The following TACR3 variants were observed in gnomAD, a reference collection of about 807,000 sequenced individuals.
The protein encoded by TACR3 is neuromedin-K receptor.
Under a neutral mutation model 35.0 loss-of-function variants are expected in TACR3, and 34 were observed. The ratio of observed to expected loss-of-function variants is 0.97; its 90% CI spans 0.74 to 1.30. The LOEUF is 1.30. Ranked by LOEUF, TACR3 falls within the 50% of genes most tolerant of loss-of-function variation. The pLI, the probability that TACR3 is intolerant of heterozygous loss-of-function variation, is 0.00. For missense variants in TACR3, 558 were observed against 591.7 expected (o/e 0.94, Z 0.59); for synonymous variants, 233 against 221.1 (o/e 1.05, Z -0.48).
intron 1 of TACR3, among the ~76,000 whole-genome samples, chr4:103,667,927 C>G (rs1018467358): frequency 2.6e-5 from 4 of 152,114 alleles, no homozygotes; most frequent in African/African-American, 9.7e-5. Context: ...CTCCTGGGCT[C>G]AAGTGATCCT....
At chr4:103,616,614 C>A (rs1293470301) in intron 3 of TACR3, among the ~76,000 whole-genome samples, 1 of 152,024 alleles carries the variant, frequency 6.6e-6, no homozygotes, top group Non-Finnish European at 1.5e-5. Context: ...ATCCTAAAAC[C>A]AAGGGCAAAA....
chr4:103,688,081 A>G (rs1321473730), intron 1 of TACR3, among the ~76,000 whole-genome samples: 2 of 152,208 alleles, frequency 1.3e-5, no homozygotes, highest in Non-Finnish European at 2.9e-5. Context: ...CAGAGCCCTC[A>G]GAAATAATGC....
At chr4:103,685,861 G>C (rs953013783) in intron 1 of TACR3, among the ~76,000 whole-genome samples, 6 of 152,114 alleles carry the variant, frequency 3.9e-5, no homozygotes, top group Non-Finnish European at 8.8e-5. Flanking sequence ...CCTTCCCCAG[G>C]TCCACAGTGT....
In TACR3 at chr4:103,719,431, G is replaced by A. The variant is rs1485933119; in HGVS notation, c.245C>T (p.Ser82Phe). ...CAGGGACCAGAGCGCGATGCGCCAGGACGGCTGCACGAACTGGTTGGTGAG... is the reference window on the plus strand; with the variant it reads ...CAGGGACCAGAGCGCGATGCGCCAGAACGGCTGCACGAACTGGTTGGTGAG... ...ANLTNQFVQP[S>F]WRIALWSLAY... The change falls in exon 1 of 5, where the codon TCC becomes TTC. Residue 82 changes from serine (S) to phenylalanine (F), a missense_variant. Ser to Phe is a radical substitution (Grantham distance 155, BLOSUM62 -2). Coordinates refer to ENST00000304883, the MANE Select transcript of TACR3 (RefSeq NM_001059.3). 7 of 1,614,140 alleles carry A rather than the reference G, an allele frequency of 4.3e-6. No individual in the cohort carries two copies. In the African/African-American group the frequency reaches 5.3e-5, roughly 12 times the overall value.
chr4:103,719,202 G>A lies in TACR3; in HGVS notation c.474C>T (p.Cys158=), dbSNP rs369018171. The change falls in exon 1 of 5, where the codon TGC becomes TGT. Residue 158 remains cysteine (C), a synonymous_variant. Coordinates refer to ENST00000304883, the MANE Select transcript of TACR3 (RefSeq NM_001059.3). ...HSEWYFGANY[C]RFQNFFPITA... is the part of the protein sequence containing the mutation. ...TGATAGGAAAGAAGTTCTGGAAGCG[G>A]CAGTAGTTGGCGCCAAAGTACCACT... 8 of 1,614,072 alleles carry A rather than the reference G, an allele frequency of 5.0e-6. No individual in the cohort carries two copies. The African/African-American group carries it at 1.1e-4, about 22-fold the overall frequency.
chr4:103,605,580 G>T (rs1724335390), intron 3 of TACR3, among the ~76,000 whole-genome samples: 1 of 151,770 alleles, frequency 6.6e-6, no homozygotes, highest in Admixed American at 6.6e-5. Flanking sequence ...GATGGCCAGT[G>T]ATGATGAACA....
rs1163708629 is a variant in TACR3 at position 103,591,686 on chromosome 4, A to G, written c.889-3T>C. ...ACAATAATCATCATTTTGACAACCT[A>G]TAAAGAAAAAAAGTCATTTTTGACA... On this transcript the variant is annotated splice_region_variant and splice_polypyrimidine_tract_variant and intron_variant, in intron 3 of 4. Coordinates refer to ENST00000304883, the MANE Select transcript of TACR3 (RefSeq NM_001059.3). 2.5e-6 allele frequency: 4 copies of G among 1,609,166 alleles called. No individual in the cohort carries two copies. Among genetic ancestry groups the G allele is most frequent in the Non-Finnish European group, 3.4e-6 (4 of 1,177,820 alleles).
intron 1 of TACR3, among the ~76,000 whole-genome samples, chr4:103,676,559 G>A (rs936400362): frequency 6.6e-6 from 1 of 152,004 alleles, no homozygotes; most frequent in Non-Finnish European, 1.5e-5. Context: ...CCAGAAATAA[G>A]ACTACACATC....
intron 3 of TACR3, among the ~76,000 whole-genome samples, chr4:103,638,637 A>T (rs1472291276): frequency 6.6e-6 from 1 of 152,170 alleles, no homozygotes; most frequent in South Asian, 2.1e-4. Context: ...AGAAACTACC[A>T]TCAGAGTGAA....
chr4:103,612,400 C>T (rs1372574894), intron 3 of TACR3, among the ~76,000 whole-genome samples: 1 of 152,160 alleles, frequency 6.6e-6, no homozygotes, highest in Admixed American at 6.5e-5. Flanking sequence ...TGCAATTATT[C>T]TCTTTCATGG....
At chr4:103,696,445 G>A (rs561373073) in intron 1 of TACR3, among the ~76,000 whole-genome samples, 238 of 152,036 alleles carry the variant, frequency 1.6e-3, no homozygotes, top group Non-Finnish European at 2.4e-3. Flanking sequence ...TAAAAAAAAA[G>A]TATCACAAAT....
rs374818813 is a variant in TACR3, at chr4:103,656,621, G to T, written c.738-277C>A. 9.2e-5 allele frequency among the ~76,000 whole-genome samples: 14 copies of T among 152,152 alleles called. No individual in the cohort carries two copies. The East Asian group carries it at 2.7e-3, about 29-fold the overall frequency. On this transcript the variant is annotated intron_variant, in intron 2 of 4. Coordinates refer to ENST00000304883, the MANE Select transcript of TACR3 (RefSeq NM_001059.3). ...AAACATAAGTTCTCCTTGCCTAGAGGTTGAGGAGGAACGACTTTCCACTGC... is the reference window on the plus strand; with the variant it reads ...AAACATAAGTTCTCCTTGCCTAGAGTTTGAGGAGGAACGACTTTCCACTGC...
In TACR3 at chr4:103,589,981, A is replaced by C. The variant is rs1413923972; in HGVS notation, c.1099T>G (p.Phe367Val). 6.2e-7 allele frequency: 1 copy of C among 1,613,714 alleles called. No homozygotes were observed. Among genetic ancestry groups the C allele is most frequent in the South Asian group, 1.1e-5 (1 of 91,086 alleles). ...GGACACCAGCGAAATGCTCTCTTGA[A>C]GCCAGCTCGAAATCTGAGGAAAAGC... ...CCLNKRFRAG[F>V]KRAFRWCPFI... Residue 367 changes from phenylalanine to valine, a missense_variant, in exon 5 of 5, where the codon TTC (phenylalanine) becomes GTC (valine). Phe to Val is a conservative substitution (Grantham distance 50, BLOSUM62 -1). Coordinates refer to ENST00000304883, the MANE Select transcript of TACR3 (RefSeq NM_001059.3).
rs1426095198 is a variant in TACR3, at chr4:103,646,179, A to C, written c.888+10015T>G. Among the ~76,000 whole-genome samples the C allele has an allele frequency of 3.3e-5, 5 of 152,004 alleles. No homozygotes were observed. In the East Asian group the frequency reaches 9.7e-4, roughly 29 times the overall value. On this transcript the variant is annotated intron_variant, in intron 3 of 4. Transcript: ENST00000304883. The stretch of plus-strand genomic sequence containing the variant: ...AGAACCCTTCCTCCAGGTGGAGATA[A>C]TTCTCTTTATCAACACAAGCGGAGG...
chr4:103,625,618 C>T (rs567654634), intron 3 of TACR3, among the ~76,000 whole-genome samples: 2 of 152,228 alleles, frequency 1.3e-5, no homozygotes, highest in African/African-American at 2.4e-5. Context: ...TTTAGTAGCA[C>T]TCTCACTTGC....
At chr4:103,629,646 C>G (rs1183423896) in intron 3 of TACR3, among the ~76,000 whole-genome samples, 1 of 151,882 alleles carries the variant, frequency 6.6e-6, no homozygotes, top group African/African-American at 2.4e-5. Context: ...AAAGAGTACA[C>G]AAACAAATGG....
chr4:103,659,787 A>G (rs1381594591), intron 1 of TACR3, among the ~76,000 whole-genome samples: 1 of 152,206 alleles, frequency 6.6e-6, no homozygotes, highest in African/African-American at 2.4e-5. Context: ...ACTTAGTACC[A>G]GAGTAACAAT....
rs377157971 is a variant in TACR3 at position 103,663,329 on chromosome 4, A to G, written c.549-4926T>C. 4.6e-5 allele frequency among the ~76,000 whole-genome samples: 7 copies of G among 152,220 alleles called. No homozygotes were observed. In the East Asian group the frequency reaches 1.2e-3, roughly 25 times the overall value. ...GCCAACATGGAGAAACCTCATCTCT[A>G]CTAGAAATACAAAAATTAACCTGGT... On this transcript the variant is annotated intron_variant, in intron 1 of 4. Coordinates refer to ENST00000304883, the MANE Select transcript of TACR3 (RefSeq NM_001059.3).
At chr4:103,652,649 A>G (rs1392496740) in intron 3 of TACR3, among the ~76,000 whole-genome samples, 1 of 152,094 alleles carries the variant, frequency 6.6e-6, no homozygotes, top group East Asian at 1.9e-4. Flanking sequence ...CTATTTGACC[A>G]TCCTGCTCCA....
Sources: allele counts gnomAD v4.1 joint callset (sites outside exome capture counted in the v4.1 genomes callset), GRCh38; gene constraint gnomAD v4.1.1; transcripts MANE v1.5; gene names NCBI Gene and HGNC (gene_info 2026-07-23, HGNC 2026-07-21).